The following ZNF804B variants were observed in gnomAD, a reference collection of about 807,000 sequenced individuals.
The protein encoded by ZNF804B is zinc finger protein 804B, also known as zinc finger 804B.
A neutral mutation model predicts 101.4 loss-of-function variants in ZNF804B; 80 were observed. The observed-to-expected ratio is 0.79, with a 90% CI of 0.66 to 0.95. The LOEUF (loss-of-function observed/expected upper bound fraction) is 0.95. Among genes scored for constraint, ZNF804B ranks in the 40% least tolerant of loss-of-function variants. ZNF804B has a pLI of 0.00. For synonymous variants in ZNF804B, 622 were observed against 558.8 expected (o/e 1.11, Z -1.59); for missense variants, 1,673 against 1,561.9 (o/e 1.07, Z -1.20).
At chr7:88,874,053 C>T (rs553682844) in intron 1 of ZNF804B, among the ~76,000 whole-genome samples, 5 of 152,246 alleles carry the variant, frequency 3.3e-5, no homozygotes, top group South Asian at 4.1e-4. Context: ...CTGTAAATTA[C>T]CTTGGGCAGT....
chr7:88,958,647 C>G (rs1469377682), intron 1 of ZNF804B, among the ~76,000 whole-genome samples: 1 of 151,364 alleles, frequency 6.6e-6, no homozygotes, highest in Admixed American at 6.6e-5. Context: ...GACTTTGAAT[C>G]GAAGGAGGTG....
intron 1 of ZNF804B, among the ~76,000 whole-genome samples, chr7:89,104,253 G>A (rs1455525596): frequency 6.6e-6 from 1 of 152,002 alleles, no homozygotes; most frequent in Non-Finnish European, 1.5e-5. Flanking sequence ...TTCATAGAAT[G>A]AGTTAGGAAA....
At chr7:89,317,763 T>A (rs77068633) in intron 2 of ZNF804B, among the ~76,000 whole-genome samples, 1 of 152,158 alleles carries the variant, frequency 6.6e-6, no homozygotes, top group Non-Finnish European at 1.5e-5. Flanking sequence ...AATTCTCCAG[T>A]ATTATCACCA....
chr7:88,845,570 T>G (rs540130211), intron 1 of ZNF804B, among the ~76,000 whole-genome samples: 1 of 152,004 alleles, frequency 6.6e-6, no homozygotes, highest in South Asian at 2.1e-4. Flanking sequence ...AGCTGCTGAC[T>G]TTTGCTCAGG....
chr7:89,281,263 G>C (rs562732362), intron 2 of ZNF804B, among the ~76,000 whole-genome samples: 1 of 152,064 alleles, frequency 6.6e-6, no homozygotes, highest in Admixed American at 6.5e-5. Flanking sequence ...GGCTCCCAGG[G>C]GAGAAAAAAC....
At chr7:88,761,595 A>G (rs1169330067) in intron 1 of ZNF804B, among the ~76,000 whole-genome samples, 1 of 152,122 alleles carries the variant, frequency 6.6e-6, no homozygotes, top group Non-Finnish European at 1.5e-5. Context: ...CTTTAAGTCT[A>G]TTTCATCTAG....
Position 89,327,396 on chromosome 7 carries a change from C to A in ZNF804B, c.302C>A (p.Ser101Ter). 6.2e-7 allele frequency: 1 copy of A among 1,610,990 alleles called. No individual in the cohort carries two copies. The highest frequency in any genetic ancestry group is 1.1e-5 in the South Asian group (1 of 90,734). The change falls in exon 3 of 4, where the codon TCA (serine) becomes TAA (stop). Residue 101 changes from serine to a stop codon, truncating the protein, a stop_gained. Coordinates refer to ENST00000333190, the MANE Select transcript of ZNF804B (RefSeq NM_181646.5). LOFTEE classifies it high-confidence loss of function. ...REFARNVASK[S>*]WKDEKKQEKA... is the part of the protein sequence containing the mutation. ...TTTGCTCGAAATGTAGCTTCTAAGTCATGGAAAGATGAGAAAAAACAAGAA... is the reference window on the plus strand; with the variant it reads ...TTTGCTCGAAATGTAGCTTCTAAGTAATGGAAAGATGAGAAAAAACAAGAA...
At chr7:88,905,086 GT>G (rs1792448235) in intron 1 of ZNF804B, among the ~76,000 whole-genome samples, 1 of 152,110 alleles carries the variant, frequency 6.6e-6, no homozygotes, top group Non-Finnish European at 1.5e-5. Flanking sequence ...CTTTTGGTAT[GT>G]TGTATATGGC....
At chr7:89,137,615 G>C (rs1000782629) in intron 1 of ZNF804B, among the ~76,000 whole-genome samples, 2 of 152,092 alleles carry the variant, frequency 1.3e-5, no homozygotes, top group Admixed American at 1.3e-4. Context: ...CTTGGGTGCT[G>C]TTAAAGGCAT....
At position 89,333,688 on chromosome 7, in the gene ZNF804B, T is replaced by C; in HGVS notation, c.706T>C (p.Ser236Pro). The change falls in exon 4 of 4, where the codon TCA becomes CCA. Residue 236 changes from serine to proline, a missense_variant. Physicochemically the swap from Ser to Pro is moderately conservative, Grantham distance 74 (BLOSUM62 -1). Transcript: ENST00000333190. ...KVHLKLESSA[S>P]VFSENTEETH... ...GCACCTAAAATTAGAATCTTCAGCA[T>C]CAGTTTTCAGTGAGAACACAGAAGA... 1 of 1,613,532 alleles carries C rather than the reference T, an allele frequency of 6.2e-7. No individual in the cohort carries two copies.
chr7:89,286,814 T>C (rs1790206014), intron 2 of ZNF804B, among the ~76,000 whole-genome samples: 1 of 152,164 alleles, frequency 6.6e-6, no homozygotes. Flanking sequence ...GCAGAAATAT[T>C]GATACTAAAT....
chr7:89,244,734 G>T (rs1789418250), intron 2 of ZNF804B, among the ~76,000 whole-genome samples: 1 of 152,102 alleles, frequency 6.6e-6, no homozygotes, highest in Non-Finnish European at 1.5e-5. Flanking sequence ...TACATCCTCA[G>T]CTTCAAAGGA....
chr7:89,013,447 G>C (rs1017655008), intron 1 of ZNF804B, among the ~76,000 whole-genome samples: 1 of 152,150 alleles, frequency 6.6e-6, no homozygotes, highest in African/African-American at 2.4e-5. Context: ...ATCTATTTAT[G>C]TAGAACATAC....
chr7:89,194,825 A>G (rs1237019327), intron 1 of ZNF804B, among the ~76,000 whole-genome samples: 3 of 151,674 alleles, frequency 2.0e-5, no homozygotes, highest in Non-Finnish European at 4.4e-5. Flanking sequence ...TGAACTTTAA[A>G]GTAGTTTTTT....
At chr7:89,194,925 T>G (rs1788522530) in intron 1 of ZNF804B, among the ~76,000 whole-genome samples, 1 of 152,176 alleles carries the variant, frequency 6.6e-6, no homozygotes, top group South Asian at 2.1e-4. Context: ...TTTCATGATA[T>G]TGATTCTTCC....
At chr7:89,042,838 A>G (rs966722634) in intron 1 of ZNF804B, among the ~76,000 whole-genome samples, 2 of 152,158 alleles carry the variant, frequency 1.3e-5, no homozygotes, top group African/African-American at 4.8e-5. Flanking sequence ...CATTTTTTTC[A>G]TAGATCTGAG....
intron 1 of ZNF804B, among the ~76,000 whole-genome samples, chr7:88,947,712 T>G (rs933072783): frequency 5.3e-5 from 8 of 151,890 alleles, no homozygotes; most frequent in Admixed American, 1.3e-4. Flanking sequence ...TGTTTAGACT[T>G]GGGTTCCATC....
chr7:88,965,005 G>A (rs1024893079), intron 1 of ZNF804B, among the ~76,000 whole-genome samples: 2 of 151,380 alleles, frequency 1.3e-5, no homozygotes, highest in African/African-American at 2.4e-5. Context: ...GGGTATGAGG[G>A]TTTATAACAT....
chr7:89,205,673 G>C (rs1273813307), intron 1 of ZNF804B, among the ~76,000 whole-genome samples: 1 of 152,170 alleles, frequency 6.6e-6, no homozygotes, highest in African/African-American at 2.4e-5. Flanking sequence ...CTCCTTCCCT[G>C]TGACTTTGCA....
Sources: allele counts gnomAD v4.1 joint callset (sites outside exome capture counted in the v4.1 genomes callset), GRCh38; gene constraint gnomAD v4.1.1; transcripts MANE v1.5; gene names NCBI Gene and HGNC (gene_info 2026-07-23, HGNC 2026-07-21).